The following CSMD1 variants were observed in gnomAD, a reference collection of about 807,000 sequenced individuals.
The protein encoded by CSMD1 is CUB and sushi domain-containing protein 1.
Under a neutral mutation model 417.5 loss-of-function variants are expected in CSMD1, and 213 were observed. The ratio of observed to expected loss-of-function variants is 0.51; its 90% CI spans 0.46 to 0.57. The LOEUF is 0.57. Among genes scored for constraint, CSMD1 ranks in the 20% least tolerant of loss-of-function variants. The pLI is 0.00. For synonymous variants in CSMD1, 2,862 were observed against 1,736.8 expected (o/e 1.65, Z -16.11); for missense variants, 6,923 against 4,529.7 (o/e 1.53, Z -15.17).
chr8:3,344,641 TAAATA>T (rs1212965543), intron 22 of CSMD1, among the ~76,000 whole-genome samples: 1 of 152,132 alleles, frequency 6.6e-6, no homozygotes, highest in Admixed American at 6.6e-5. Context: ...GTACCCTAAC[TAAATA>T]AAATTAAACA....
At chr8:2,954,621 C>T (rs1243915442) in intron 64 of CSMD1, among the ~76,000 whole-genome samples, 1 of 152,100 alleles carries the variant, frequency 6.6e-6, no homozygotes, top group Non-Finnish European at 1.5e-5. Context: ...CCCAAATAAC[C>T]ATGATGTTAC....
chr8:3,589,790 G>C (rs546677277), intron 8 of CSMD1, among the ~76,000 whole-genome samples: 77 of 152,166 alleles, frequency 5.1e-4, no homozygotes, highest in African/African-American at 1.8e-3. Flanking sequence ...GAAGTAATGG[G>C]TATGTTAATT....
At chr8:4,081,337 G>T (rs1317347213) in intron 3 of CSMD1, among the ~76,000 whole-genome samples, 1 of 152,090 alleles carries the variant, frequency 6.6e-6, no homozygotes, top group Non-Finnish European at 1.5e-5. Context: ...GGTTTGATAG[G>T]GTTAAACAAC....
intron 41 of CSMD1, chr8:3,128,508 A>G (rs1404080061): frequency 4.4e-6 from 1 of 227,410 alleles, no homozygotes; most frequent in African/African-American, 2.3e-5. Context: ...TGATTTATGC[A>G]TCTTCTTAGG....
intron 7 of CSMD1, among the ~76,000 whole-genome samples, chr8:3,675,375 T>C (rs1049014333): frequency 2.0e-5 from 3 of 152,166 alleles, no homozygotes; most frequent in Non-Finnish European, 4.4e-5. Context: ...GCCTCAGCAA[T>C]GTGGGCTTGG....
chr8:3,551,599 T>TTC (rs1798917713), intron 10 of CSMD1, among the ~76,000 whole-genome samples: 1 of 122,626 alleles, frequency 8.2e-6, no homozygotes, highest in South Asian at 2.5e-4. Flanking sequence ...TATATATATT[T>TTC]TTTTTTTTTT....
rs557904803 is a variant in CSMD1 at position 3,522,864 on chromosome 8, T to C, written c.1345-29138A>G. ...TAGATATATATAATTATATATTTAA[T>C]GTAAATTATATTAAATATTACCTTT... On this transcript the variant is annotated intron_variant, in intron 10 of 69. Transcript: ENST00000635120. 2.0e-3 allele frequency among the ~76,000 whole-genome samples: 296 copies of C among 150,002 alleles called. 3 individuals carry two copies. Among genetic ancestry groups the C allele is most frequent in the African/African-American group, 6.6e-3 (272 of 41,094 alleles).
At chr8:3,836,526 G>C (rs1400031965) in intron 5 of CSMD1, among the ~76,000 whole-genome samples, 2 of 152,128 alleles carry the variant, frequency 1.3e-5, no homozygotes, top group Middle Eastern at 3.2e-3. Flanking sequence ...TTACCCTTTA[G>C]AGCAAGAACT....
chr8:4,190,976 G>A (rs962553290), intron 3 of CSMD1, among the ~76,000 whole-genome samples: 1 of 151,914 alleles, frequency 6.6e-6, no homozygotes, highest in African/African-American at 2.4e-5. Context: ...GAAGGGAGAG[G>A]ATCAGGACAA....
At chr8:4,840,632 G>A (rs1348739569) in intron 1 of CSMD1, among the ~76,000 whole-genome samples, 2 of 152,178 alleles carry the variant, frequency 1.3e-5, no homozygotes, top group African/African-American at 4.8e-5. Flanking sequence ...TACCGAATGA[G>A]CATTGCTATA....
intron 2 of CSMD1, among the ~76,000 whole-genome samples, chr8:4,612,590 T>A (rs1801238883): frequency 1.3e-5 from 2 of 152,140 alleles, no homozygotes; most frequent in Admixed American, 6.5e-5. Context: ...TGCCTGGACC[T>A]GAGCCATGAA....
At chr8:4,262,534 T>C (rs1803959972) in intron 3 of CSMD1, among the ~76,000 whole-genome samples, 2 of 152,318 alleles carry the variant, frequency 1.3e-5, no homozygotes, top group Admixed American at 6.5e-5. Context: ...TCAGCCTTTA[T>C]GAGGATCATG....
intron 39 of CSMD1, among the ~76,000 whole-genome samples, chr8:3,153,193 C>T (rs1354784910): frequency 1.3e-5 from 2 of 152,198 alleles, no homozygotes; most frequent in Admixed American, 1.3e-4. Flanking sequence ...CTCACTGCTA[C>T]ACTCCCACCA....
Position 4,892,548 on chromosome 8 carries a change from G to A in CSMD1, c.85+101784C>T, listed in dbSNP as rs73505836. 6.1e-3 allele frequency among the ~76,000 whole-genome samples: 927 copies of A among 152,158 alleles called. 21 individuals carry two copies. Among genetic ancestry groups the A allele is most frequent in the African/African-American group, 0.021 (875 of 41,432 alleles). On this transcript the variant is annotated intron_variant, in intron 1 of 69. Coordinates refer to ENST00000635120, the MANE Select transcript of CSMD1 (RefSeq NM_033225.6). The stretch of plus-strand genomic sequence containing the variant: ...TAAGGGTAATATTACTTGTACTAGC[G>A]TTAGGTATTGCCTAATTATATTTAA...
chr8:4,709,038 C>T (rs1808126168), intron 1 of CSMD1, among the ~76,000 whole-genome samples: 1 of 152,194 alleles, frequency 6.6e-6, no homozygotes, highest in Non-Finnish European at 1.5e-5. Flanking sequence ...CTGAAGCTTC[C>T]CAGTCTATGG....
intron 7 of CSMD1, among the ~76,000 whole-genome samples, chr8:3,629,315 T>TTATTC (rs1554492995): frequency 0.18 from 27,854 of 151,986 alleles, 2,724 homozygotes; most frequent in Admixed American, 0.22. Flanking sequence ...TAATATTATT[T>TTATTC]TCTTTCACTG....
chr8:3,220,270 T>C (rs1035630505), intron 28 of CSMD1, among the ~76,000 whole-genome samples: 5 of 152,188 alleles, frequency 3.3e-5, no homozygotes, highest in Non-Finnish European at 5.9e-5. Context: ...CCCAGTTTTT[T>C]TTCTCTGTCC....
chr8:3,820,843 C>G (rs1273796397), intron 5 of CSMD1, among the ~76,000 whole-genome samples: 2 of 152,136 alleles, frequency 1.3e-5, no homozygotes, highest in African/African-American at 4.8e-5. Context: ...CTCGACCTCC[C>G]AAAGTGCTGG....
intron 1 of CSMD1, among the ~76,000 whole-genome samples, chr8:4,932,157 A>G (rs1488167873): frequency 6.6e-6 from 1 of 152,256 alleles, no homozygotes; most frequent in Non-Finnish European, 1.5e-5. Flanking sequence ...TAAATTGATT[A>G]CAGCAATAGA....
Sources: allele counts gnomAD v4.1 joint callset (sites outside exome capture counted in the v4.1 genomes callset), GRCh38; gene constraint gnomAD v4.1.1; transcripts MANE v1.5; gene names NCBI Gene and HGNC (gene_info 2026-07-23, HGNC 2026-07-21).